Variants in SKIC8 observed in about 807,000 individuals in gnomAD.
SKIC8 encodes the protein superkiller complex protein 8.
the SKIC8 span, chr15:78,283,672 T>C: frequency 1.2e-5 from 7 of 564,354 alleles, no homozygotes; most frequent in East Asian, 1.7e-4. Flanking sequence ...ATGGAGGCTT[T>C]AACCGAGCAC....
chr15:78,289,191 G>A, the SKIC8 span, among the ~76,000 whole-genome samples: 3 of 152,166 alleles, frequency 2.0e-5, no homozygotes, highest in Non-Finnish European at 4.4e-5. Context: ...AAAGCAGGAA[G>A]AAATCTTGAA....
At chr15:78,288,363 G>T in the SKIC8 span, 2 of 1,613,838 alleles carry the variant, frequency 1.2e-6, no homozygotes, top group Non-Finnish European at 1.7e-6. Flanking sequence ...AGGTCAAGGA[G>T]CGAATGGGCA....
the SKIC8 span, among the ~76,000 whole-genome samples, chr15:78,287,767 T>A: frequency 2.3e-3 from 347 of 152,228 alleles, 1 homozygote; most frequent in African/African-American, 7.6e-3. Flanking sequence ...ATGACGGCTG[T>A]GAATGAAAGA....
the SKIC8 span, chr15:78,286,897 G>A: frequency 6.6e-6 from 1 of 152,168 alleles, no homozygotes; most frequent in South Asian, 2.1e-4. Flanking sequence ...GGATGATTTG[G>A]TAGAGCAGGG....
At chr15:78,295,793 C>G in the SKIC8 span, 42 of 1,341,650 alleles carry the variant, frequency 3.1e-5, no homozygotes, top group Admixed American at 1.8e-4. Flanking sequence ...AGGAAGTTCC[C>G]CTTGACCAAG....
At chr15:78,295,199 C>T in the SKIC8 span, 2 of 579,986 alleles carry the variant, frequency 3.4e-6, no homozygotes, top group East Asian at 5.7e-5. Flanking sequence ...CCCCTCCTTC[C>T]TACTACCCAA....
the SKIC8 span, chr15:78,284,253 T>C: frequency 1.8e-4 from 27 of 152,108 alleles, no homozygotes; most frequent in Non-Finnish European, 3.4e-4. Context: ...AGCACCGCAA[T>C]GATCCATACA....
the SKIC8 span, chr15:78,293,477 G>GT: frequency 2.0e-6 from 1 of 502,760 alleles, no homozygotes; most frequent in Non-Finnish European, 3.5e-6. Context: ...TAAATCTCAT[G>GT]TTTACCAGGC....
chr15:78,295,418 T>TG, the SKIC8 span: 95 of 427,666 alleles, frequency 2.2e-4, no homozygotes, highest in South Asian at 2.3e-3. Flanking sequence ...TTTTTTTTTT[T>TG]GTACAACATC....
At chr15:78,288,071 G>A in the SKIC8 span, among the ~76,000 whole-genome samples, 1 of 152,190 alleles carries the variant, frequency 6.6e-6, no homozygotes, top group East Asian at 1.9e-4. Context: ...GCAAGTATCT[G>A]ATCCTACCAG....
the SKIC8 span, among the ~76,000 whole-genome samples, chr15:78,298,064 A>G: frequency 6.6e-6 from 1 of 152,174 alleles, no homozygotes; most frequent in Non-Finnish European, 1.5e-5. Context: ...TTTGTGACCC[A>G]TGAACAGGGT....
At chr15:78,290,321 G>A in the SKIC8 span, among the ~76,000 whole-genome samples, 16 of 152,320 alleles carry the variant, frequency 1.1e-4, no homozygotes, top group African/African-American at 3.8e-4. Context: ...TGTTAGCAAG[G>A]ATGTGGAGAA....
chr15:78,289,934 G>A, the SKIC8 span: 2 of 1,610,960 alleles, frequency 1.2e-6, no homozygotes, highest in Non-Finnish European at 1.7e-6. Context: ...GGAGAACAGA[G>A]AGCAATGTTT....
the SKIC8 span, among the ~76,000 whole-genome samples, chr15:78,297,731 G>T: frequency 2.8e-4 from 43 of 152,292 alleles, no homozygotes; most frequent in Non-Finnish European, 5.1e-4. Context: ...TCTCAGCCAA[G>T]TTCACGGCCC....
At chr15:78,295,110 C>T in the SKIC8 span, 1 of 962,472 alleles carries the variant, frequency 1.0e-6, no homozygotes, top group Non-Finnish European at 1.6e-6. Flanking sequence ...CCTGGCCATC[C>T]CGCAAGCTCC....
At chr15:78,287,621 C>G in the SKIC8 span, among the ~76,000 whole-genome samples, 1 of 152,146 alleles carries the variant, frequency 6.6e-6, no homozygotes, top group Non-Finnish European at 1.5e-5. Context: ...GCAGTGAGAG[C>G]TGACCATAGC....
chr15:78,298,235 CA>C, the SKIC8 span, among the ~76,000 whole-genome samples: 432 of 152,076 alleles, frequency 2.8e-3, 1 homozygote, highest in African/African-American at 9.9e-3. Flanking sequence ...TGGATAGAAA[CA>C]AAAAAAGGAG....
chr15:78,285,659 C>A, the SKIC8 span: 1 of 461,240 alleles, frequency 2.2e-6, no homozygotes, highest in Non-Finnish European at 3.9e-6. Context: ...TGTGCAATGC[C>A]TTCAAGTTGT....
At chr15:78,293,353 G>T in the SKIC8 span, 76 of 1,300,108 alleles carry the variant, frequency 5.8e-5, 1 homozygote, top group South Asian at 8.6e-4. Flanking sequence ...CAATTGTGAG[G>T]TAACATTTAT....
Sources: gnomAD v4.1 joint callset for allele counts (sites outside exome capture counted in the v4.1 genomes callset) on GRCh38, gnomAD v4.1.1 for gene constraint, MANE v1.5 for transcripts, NCBI Gene and HGNC (gene_info 2026-07-23, HGNC 2026-07-21) for gene names.